SPATS2: variants seen among roughly 807,000 people sequenced by gnomAD.
The protein encoded by SPATS2 is spermatogenesis associated serine rich 2.
SPATS2 carries 38 observed loss-of-function variants against 63.7 expected under a neutral mutation model. That is an observed-to-expected ratio of 0.60 (90% CI 0.46 to 0.78). The LOEUF (loss-of-function observed/expected upper bound fraction) is 0.78, where lower values mean the gene tolerates loss of function less well. SPATS2 is among the 30% of genes least tolerant of loss of function. The probability of loss-of-function intolerance (pLI) is 0.00; values close to 1 mark genes in which losing one functional copy is unlikely to be tolerated. For synonymous variants in SPATS2, 207 were observed against 232.9 expected, an observed-to-expected ratio of 0.89 and a Z score of 1.01; for missense variants, 588 against 666.2, an observed-to-expected ratio of 0.88 and a Z score of 1.29.
chr12:49,516,203 AT>A (rs1565761013), intron 10 of SPATS2, among the ~76,000 whole-genome samples: 4 of 114,436 alleles, frequency 3.5e-5, no homozygotes, highest in South Asian at 3.2e-4. Flanking sequence ...ATATATATAT[AT>A]ATATAAATCA....
intron 3 of SPATS2, among the ~76,000 whole-genome samples, chr12:49,472,061 C>T (rs143536892): frequency 2.1e-3 from 312 of 151,966 alleles, no homozygotes; most frequent in African/African-American, 7.3e-3. Flanking sequence ...TCACATAAGC[C>T]CAGGAGGTTG....
At chr12:49,503,102 A>G (rs1592464555) in intron 9 of SPATS2, among the ~76,000 whole-genome samples, 1 of 152,144 alleles carries the variant, frequency 6.6e-6, no homozygotes, top group African/African-American at 2.4e-5. Flanking sequence ...CCTGAATCCC[A>G]GCACTTTGGG....
At chr12:49,443,444 G>A (rs1449520733) in intron 2 of SPATS2, among the ~76,000 whole-genome samples, 1 of 151,658 alleles carries the variant, frequency 6.6e-6, no homozygotes, top group Non-Finnish European at 1.5e-5. Flanking sequence ...CTATATGCCT[G>A]TTCTTATTGC....
chr12:49,455,551 G>A (rs1945705143), intron 2 of SPATS2, among the ~76,000 whole-genome samples: 1 of 152,184 alleles, frequency 6.6e-6, no homozygotes, highest in Non-Finnish European at 1.5e-5. Context: ...GGGACTACAG[G>A]TGTGTGCTAC....
intron 3 of SPATS2, among the ~76,000 whole-genome samples, chr12:49,477,977 T>TC (rs2137796166): frequency 6.7e-6 from 1 of 148,942 alleles, no homozygotes; most frequent in South Asian, 2.1e-4. Context: ...TTTTTTTTTT[T>TC]TTTTTTTTAA....
chr12:49,509,273 C>CTTTTTTT (rs1186617900), intron 9 of SPATS2, among the ~76,000 whole-genome samples: 11 of 77,806 alleles, frequency 1.4e-4, no homozygotes, highest in Non-Finnish European at 2.0e-4. Context: ...GTTCTAACTT[C>CTTTTTTT]TTTTTTTTTT....
chr12:49,437,230 G>A (rs1487946743), intron 2 of SPATS2, among the ~76,000 whole-genome samples: 2 of 151,562 alleles, frequency 1.3e-5, no homozygotes, highest in East Asian at 2.0e-4. Flanking sequence ...CATCCCAGAC[G>A]GGGCGGCAGG....
intron 13 of SPATS2, among the ~76,000 whole-genome samples, chr12:49,525,426 G>A (rs1380682349): frequency 6.6e-6 from 1 of 152,202 alleles, no homozygotes; most frequent in Non-Finnish European, 1.5e-5. Context: ...TATGATGTTT[G>A]GAATTGGAGG....
intron 1 of SPATS2, among the ~76,000 whole-genome samples, chr12:49,370,573 A>G (rs1412792250): frequency 6.6e-6 from 1 of 152,204 alleles, no homozygotes; most frequent in Non-Finnish European, 1.5e-5. Flanking sequence ...GAAGTCATCT[A>G]GACTCTGGAG....
chr12:49,373,512 A>G (rs931780162), intron 2 of SPATS2, among the ~76,000 whole-genome samples: 1 of 152,168 alleles, frequency 6.6e-6, no homozygotes, highest in East Asian at 1.9e-4. Flanking sequence ...GGGGCTGGGC[A>G]TGGTGGGAGG....
chr12:49,442,493 A>T (rs1945437006), intron 2 of SPATS2: 1 of 154,546 alleles, frequency 6.5e-6, no homozygotes, highest in East Asian at 1.9e-4. Flanking sequence ...TCTGCAGGTA[A>T]ATCTTAGTTT....
chr12:49,523,910 C>A (rs979135486), intron 12 of SPATS2, among the ~76,000 whole-genome samples: 30 of 151,926 alleles, frequency 2.0e-4, no homozygotes, highest in Non-Finnish European at 4.4e-4. Context: ...TGAGATTGTG[C>A]CACTGCACTC....
intron 9 of SPATS2, among the ~76,000 whole-genome samples, chr12:49,511,642 C>T (rs1194216827): frequency 6.6e-6 from 1 of 152,114 alleles, no homozygotes; most frequent in Admixed American, 6.5e-5. Context: ...AAAACCATTA[C>T]CTCACACCAC....
intron 4 of SPATS2, 76 bp from the exon 5 acceptor site, chr12:49,489,389 A>G: frequency 9.3e-7 from 1 of 1,073,812 alleles, no homozygotes; most frequent in Admixed American, 2.2e-5. Context: ...CACTCTTTTC[A>G]TTATTCTCTG....
chr12:49,469,696 G>C (rs146943984), intron 3 of SPATS2: 27,343 of 352,756 alleles, frequency 0.078, 1,227 homozygotes, highest in African/African-American at 0.11. Context: ...TTCAAGACCA[G>C]CCTGGCCAAC....
intron 2 of SPATS2, among the ~76,000 whole-genome samples, chr12:49,391,404 C>T (rs531236597): frequency 3.9e-5 from 6 of 152,136 alleles, no homozygotes; most frequent in East Asian, 3.9e-4. Context: ...CCCAGCTACT[C>T]GGGAGGCTGA....
chr12:49,480,689 A>G (rs934186075), intron 3 of SPATS2, among the ~76,000 whole-genome samples: 4 of 152,150 alleles, frequency 2.6e-5, no homozygotes, highest in African/African-American at 9.7e-5. Flanking sequence ...TTATCTTTTA[A>G]GGAACCAACA....
chr12:49,497,584 TG>T lies in SPATS2; in HGVS notation c.703+579del, dbSNP rs571016234. ...TATTTTTTTGTATTTTTAGTAGAGA[TG>T]GGGTTTCGCCGTGTTAGCCAGGATG... On this transcript the variant is annotated intron_variant, in intron 8 of 13. Transcript: ENST00000552918. Among the ~76,000 whole-genome samples, 114 of 152,050 alleles carry T rather than the reference TG, an allele frequency of 7.5e-4. 1 individual carries two copies. Among genetic ancestry groups the T allele is most frequent in the African/African-American group, 2.5e-3 (105 of 41,502 alleles).
chr12:49,521,085 C>T (rs1316461911), intron 11 of SPATS2, among the ~76,000 whole-genome samples: 2 of 152,152 alleles, frequency 1.3e-5, no homozygotes, highest in Non-Finnish European at 2.9e-5. Flanking sequence ...TTGGGATATT[C>T]ACGGATGGTT....
Sources: gnomAD v4.1 joint callset for allele counts (sites outside exome capture counted in the v4.1 genomes callset) on GRCh38, gnomAD v4.1.1 for gene constraint, MANE v1.5 for transcripts, NCBI Gene and HGNC (gene_info 2026-07-23, HGNC 2026-07-21) for gene names.